Variants in CDR2 observed in about 807,000 individuals in gnomAD.
The protein encoded by CDR2 is cerebellar degeneration related protein 2.
A neutral mutation model predicts 48.4 loss-of-function variants in CDR2; 34 were observed. The observed-to-expected ratio is 0.70, with a 90% CI of 0.53 to 0.94. CDR2 has a LOEUF of 0.94. CDR2 is among the 40% of genes least tolerant of loss of function. CDR2 has a pLI of 0.00. For missense variants in CDR2, 498 were observed against 549.5 expected, an observed-to-expected ratio of 0.91 and a Z score of 0.94; for synonymous variants, 240 against 219.7, an observed-to-expected ratio of 1.09 and a Z score of -0.82.
chr16:22,354,658 C>CGGGT (rs1567345288), intron 2 of CDR2, among the ~76,000 whole-genome samples: 1 of 150,768 alleles, frequency 6.6e-6, no homozygotes, highest in East Asian at 2.0e-4. Flanking sequence ...GAGGCCAAGG[C>CGGGT]GGGTGGATCA....
chr16:22,356,846 CAGG>C lies in CDR2; in HGVS notation c.193-7000_193-6998del, dbSNP rs552900788. On this transcript the variant is annotated intron_variant, in intron 2 of 4. Coordinates refer to ENST00000268383, the MANE Select transcript of CDR2 (RefSeq NM_001802.2). ...AGCTACTCTACTGGGGAGGCTGAAG[CAGG>C]AGAATTGTTTGAACCTGCGAGGCAG... is the stretch of plus-strand genomic sequence containing the variant. Among the ~76,000 whole-genome samples, 417 of 148,258 alleles carry C rather than the reference CAGG, an allele frequency of 2.8e-3. 1 individual carries two copies. Among genetic ancestry groups the C allele is most frequent in the African/African-American group, 9.9e-3 (396 of 40,194 alleles).
chr16:22,368,776 C>T (rs2049058538), intron 1 of CDR2: 1 of 152,198 alleles, frequency 6.6e-6, no homozygotes, highest in Admixed American at 6.5e-5. Flanking sequence ...AAATGTTCCC[C>T]TTGTTGAGGT....
Position 22,358,787 on chromosome 16 carries a change from T to G in CDR2, c.192+6115A>C, listed in dbSNP as rs566682230. Among the ~76,000 whole-genome samples the G allele has an allele frequency of 7.2e-5, 11 of 152,356 alleles. No individual in the cohort carries two copies. The South Asian group carries it at 2.3e-3, about 32-fold the overall frequency. On this transcript the variant is annotated intron_variant, in intron 2 of 4. Coordinates refer to ENST00000268383, the MANE Select transcript of CDR2 (RefSeq NM_001802.2). The stretch of plus-strand genomic sequence containing the variant: ...TGTAGAAATTTGGTGGCGGGAGGCA[T>G]GAACATGAAAATAGAAACCACCTAT...
At chr16:22,350,934 T>C (rs1315183179) in intron 2 of CDR2, among the ~76,000 whole-genome samples, 1 of 152,216 alleles carries the variant, frequency 6.6e-6, no homozygotes, top group Non-Finnish European at 1.5e-5. Context: ...ATGTGCAGGT[T>C]TGATACATAG....
At chr16:22,356,953 G>GAAAAAAA (rs1162529433) in intron 2 of CDR2, among the ~76,000 whole-genome samples, 5 of 87,510 alleles carry the variant, frequency 5.7e-5, no homozygotes, top group Non-Finnish European at 1.1e-4. Flanking sequence ...AAAAAAAAAA[G>GAAAAAAA]AAAAAAAAAA....
chr16:22,364,941 C>T lies in CDR2; in HGVS notation c.153G>A (p.Gln51=). Residue 51 remains glutamine (Q), a synonymous_variant, in exon 2 of 5, where the codon CAG becomes CAA. Coordinates refer to ENST00000268383, the MANE Select transcript of CDR2 (RefSeq NM_001802.2). The stretch of plus-strand genomic sequence containing the variant: ...ACTGCTCCTGATTGGTTGTATACAT[C>T]TGCTGAACAGAGTCCTCCAACTCTG... ...RNTELEDSVQ[Q]MYTTNQEQLQ... The T allele has an allele frequency of 4.3e-6, 7 of 1,613,450 alleles. No individual in the cohort carries two copies. The highest frequency in any genetic ancestry group is 5.1e-6 in the Non-Finnish European group (6 of 1,179,384).
intron 1 of CDR2, chr16:22,365,277 A>T: frequency 3.2e-6 from 1 of 307,836 alleles, no homozygotes; most frequent in Non-Finnish European, 6.0e-6. Context: ...TTCAGGAATG[A>T]TCATTCCGCA....
At chr16:22,356,732 G>C (rs2048976384) in intron 2 of CDR2, among the ~76,000 whole-genome samples, 1 of 151,682 alleles carries the variant, frequency 6.6e-6, no homozygotes, top group Non-Finnish European at 1.5e-5. Flanking sequence ...CAGCCTGGGG[G>C]ACAAGAGCAA....
At position 22,347,777 on chromosome 16, in the gene CDR2, G is replaced by A. The variant is rs2048917149; in HGVS notation, c.553C>T (p.Gln185Ter). The A allele has an allele frequency of 1.2e-6, 2 of 1,613,770 alleles. No individual in the cohort carries two copies. The highest frequency in any genetic ancestry group is 2.2e-5 in the South Asian group (2 of 91,072). Residue 185 changes from glutamine to a stop codon, truncating the protein, a stop_gained, in exon 5 of 5, where the codon CAA becomes TAA. Coordinates refer to ENST00000268383, the MANE Select transcript of CDR2 (RefSeq NM_001802.2). LOFTEE classifies it high-confidence loss of function. ...HVFAEKITSL[Q>*]GQPSPDEEEN... ...TCTTCATCAGGGCTTGGCTGACCTT[G>A]CAAGGAAGTGATCTTCTCAGCGAAC... is the stretch of plus-strand genomic sequence containing the variant.
At chr16:22,354,726 TAAA>T (rs755319252) in intron 2 of CDR2, among the ~76,000 whole-genome samples, 1 of 132,234 alleles carries the variant, frequency 7.6e-6, no homozygotes, top group African/African-American at 2.8e-5. Context: ...CATCTCTACT[TAAA>T]AAAAAAAAAA....
intron 1 of CDR2, among the ~76,000 whole-genome samples, chr16:22,371,194 A>T (rs2049073267): frequency 6.6e-6 from 1 of 151,748 alleles, no homozygotes; most frequent in Non-Finnish European, 1.5e-5. Flanking sequence ...CTGGGGACAG[A>T]GCGAGACTCC....
In CDR2 at chr16:22,349,545, A is replaced by C. The variant is rs529557341; in HGVS notation, c.342-102T>G. ...CAAACCACTCACACTGGGCTTTCTT[A>C]ATTGGAAAGGATGTCTATTTAATCT... On this transcript the variant is annotated intron_variant, in intron 3 of 4. Coordinates refer to ENST00000268383, the MANE Select transcript of CDR2 (RefSeq NM_001802.2). The C allele has an allele frequency of 1.0e-5, 15 of 1,437,318 alleles. No homozygotes were observed. The East Asian group carries it at 3.0e-4, about 28-fold the overall frequency. The allele number at this position is 1,437,318 out of a possible 1,614,324, so 89.0% of individuals were successfully genotyped here.
At chr16:22,347,875 C>T (rs754869779) in intron 4 of CDR2, 52 bp from the exon 5 acceptor site, 27 of 1,485,956 alleles carry the variant, frequency 1.8e-5, no homozygotes, top group South Asian at 7.8e-5. Context: ...CTGAAAATGA[C>T]GAGAGGAAGA....
chr16:22,364,661 G>A (rs972351390), intron 2 of CDR2, among the ~76,000 whole-genome samples: 6 of 152,192 alleles, frequency 3.9e-5, no homozygotes, highest in Non-Finnish European at 7.4e-5. Flanking sequence ...ACAGGAGTTC[G>A]AGACCAGCCT....
chr16:22,349,895 C>T lies in CDR2; in HGVS notation c.193-46G>A, dbSNP rs765797334. ...CAGGTGACACAAACAGATAAGATACCTGCTGTTTCTTGGCTGGCTGCGGTG... is the reference window on the plus strand; with the variant it reads ...CAGGTGACACAAACAGATAAGATACTTGCTGTTTCTTGGCTGGCTGCGGTG... On this transcript the variant is annotated intron_variant, in intron 2 of 4. Coordinates refer to ENST00000268383, the MANE Select transcript of CDR2 (RefSeq NM_001802.2). 8 of 1,591,150 alleles carry T rather than the reference C, an allele frequency of 5.0e-6. No homozygotes were observed. In the South Asian group the frequency reaches 8.9e-5, roughly 18 times the overall value.
chr16:22,370,979 G>A (rs1318303937), intron 1 of CDR2, among the ~76,000 whole-genome samples: 1 of 152,172 alleles, frequency 6.6e-6, no homozygotes, highest in East Asian at 1.9e-4. Context: ...TTGGGAGGCC[G>A]AGGCGGGTAA....
Position 22,364,950 on chromosome 16 carries a change from A to C in CDR2, c.144T>G (p.Ser48=), listed in dbSNP as rs2049035524. The C allele has an allele frequency of 6.2e-7, 1 of 1,613,790 alleles. No individual in the cohort carries two copies. The highest frequency in any genetic ancestry group is 8.5e-7 in the Non-Finnish European group (1 of 1,179,660). The stretch of plus-strand genomic sequence containing the variant: ...GATTGGTTGTATACATCTGCTGAAC[A>C]GAGTCCTCCAACTCTGTGTTCCGAT... The part of the protein sequence containing the change: ...LLDRNTELED[S]VQQMYTTNQE... The change falls in exon 2 of 5, where the codon TCT becomes TCG. Residue 48 remains serine (S), a synonymous_variant. Coordinates refer to ENST00000268383, the MANE Select transcript of CDR2 (RefSeq NM_001802.2).
chr16:22,354,222 T>A (rs2048959699), intron 2 of CDR2, among the ~76,000 whole-genome samples: 1 of 152,176 alleles, frequency 6.6e-6, no homozygotes, highest in East Asian at 1.9e-4. Context: ...AGATCACACT[T>A]AGAGAAATGT....
At chr16:22,370,864 T>C (rs893673070) in intron 1 of CDR2, among the ~76,000 whole-genome samples, 1 of 152,224 alleles carries the variant, frequency 6.6e-6, no homozygotes, top group Non-Finnish European at 1.5e-5. Context: ...CATGGCTTAC[T>C]ACTGCTAAAG....
Sources: gnomAD v4.1 joint callset for allele counts (sites outside exome capture counted in the v4.1 genomes callset) on GRCh38, gnomAD v4.1.1 for gene constraint, MANE v1.5 for transcripts, NCBI Gene and HGNC (gene_info 2026-07-23, HGNC 2026-07-21) for gene names.